Variants in SMARCA5 observed in about 807,000 individuals in gnomAD.
SMARCA5 encodes SNF2 related chromatin remodeling ATPase 5.
Under a neutral mutation model 140.4 loss-of-function variants are expected in SMARCA5, and 18 were observed. That is an observed-to-expected ratio of 0.13 (90% CI 0.09 to 0.19). The LOEUF is 0.19. Among genes scored for constraint, SMARCA5 ranks in the 10% least tolerant of loss-of-function variants. The probability of loss-of-function intolerance (pLI) is 1.00; values close to 1 mark genes in which losing one functional copy is unlikely to be tolerated. For missense variants in SMARCA5, 606 were observed against 1,276.8 expected, an observed-to-expected ratio of 0.47 and a Z score of 8.01; for synonymous variants, 449 against 419.6, an observed-to-expected ratio of 1.07 and a Z score of -0.86.
chr4:143,551,044 C>T (rs538313045), intron 23 of SMARCA5, among the ~76,000 whole-genome samples: 3 of 152,154 alleles, frequency 2.0e-5, no homozygotes, highest in East Asian at 1.9e-4. Context: ...TGAGGGTTTC[C>T]TTTTCTCCAC....
intron 2 of SMARCA5, among the ~76,000 whole-genome samples, chr4:143,520,925 CCTAA>C (rs756623885): frequency 1.3e-5 from 2 of 152,086 alleles, no homozygotes; most frequent in Non-Finnish European, 2.9e-5. Flanking sequence ...TTTGTCACAG[CCTAA>C]CTAATGAATG....
At chr4:143,521,300 A>G (rs1301301107) in intron 2 of SMARCA5, 129 bp from the exon 3 acceptor site, 2 of 610,126 alleles carry the variant, frequency 3.3e-6, no homozygotes, top group Non-Finnish European at 5.7e-6. Flanking sequence ...AAACTCATCC[A>G]TGTTGCATTT....
At chr4:143,533,681 G>T (rs1229141694) in intron 9 of SMARCA5, among the ~76,000 whole-genome samples, 3 of 151,782 alleles carry the variant, frequency 2.0e-5, no homozygotes, top group Non-Finnish European at 4.4e-5. Context: ...CTAATTTTTT[G>T]TATTTTTAAT....
At chr4:143,538,282 T>C (rs1737356314) in intron 11 of SMARCA5, among the ~76,000 whole-genome samples, 1 of 152,092 alleles carries the variant, frequency 6.6e-6, no homozygotes, top group South Asian at 2.1e-4. Flanking sequence ...TGTGAAGTAG[T>C]GGAAAGTTAT....
intron 2 of SMARCA5, among the ~76,000 whole-genome samples, chr4:143,519,688 A>G (rs577695184): frequency 2.6e-5 from 4 of 152,172 alleles, no homozygotes; most frequent in Non-Finnish European, 4.4e-5. Context: ...TAAGTTCACT[A>G]TCCACTCCTC....
Position 143,543,988 on chromosome 4 carries a change from G to T in SMARCA5, c.2172+16G>T, listed in dbSNP as rs372635005. The T allele has an allele frequency of 3.3e-6, 5 of 1,526,838 alleles. No homozygotes were observed. Among genetic ancestry groups the T allele is most frequent in the Non-Finnish European group, 4.4e-6 (5 of 1,136,146 alleles). 94.6% of individuals were successfully genotyped at this position (1,526,838 alleles called of 1,614,324 possible). Reference sequence around the variant, plus strand: ...AAAACAAAAGGTAATTTAGAAATAGGTTTGGGTTACATGAAAGCTTTATTT... The same window carrying T: ...AAAACAAAAGGTAATTTAGAAATAGTTTTGGGTTACATGAAAGCTTTATTT... On this transcript the variant is annotated intron_variant, in intron 16 of 23. Transcript: ENST00000283131.
intron 23 of SMARCA5, among the ~76,000 whole-genome samples, chr4:143,552,046 C>T (rs1737650036): frequency 6.6e-6 from 1 of 151,992 alleles, no homozygotes; most frequent in South Asian, 2.1e-4. Flanking sequence ...AATCCATGAA[C>T]ATGGAATATC....
intron 19 of SMARCA5, 91 bp from the exon 20 acceptor site, chr4:143,546,685 T>G (rs1340311061): frequency 1.6e-6 from 2 of 1,224,238 alleles, no homozygotes; most frequent in Non-Finnish European, 2.3e-6. Context: ...TAGTGAAAAT[T>G]TGTTTTTGTA....
At chr4:143,533,244 G>A (rs535215043) in intron 9 of SMARCA5, among the ~76,000 whole-genome samples, 1 of 152,022 alleles carries the variant, frequency 6.6e-6, no homozygotes, top group African/African-American at 2.4e-5. Context: ...ATTAATTTAT[G>A]GTGTCTAAAA....
At chr4:143,524,726 C>T (rs1016593918) in intron 4 of SMARCA5, among the ~76,000 whole-genome samples, 1 of 152,094 alleles carries the variant, frequency 6.6e-6, no homozygotes, top group Non-Finnish European at 1.5e-5. Context: ...GATCGTTTTG[C>T]TTTATATTTG....
At chr4:143,516,008 G>A (rs1343251064) in intron 1 of SMARCA5, among the ~76,000 whole-genome samples, 2 of 145,998 alleles carry the variant, frequency 1.4e-5, no homozygotes, top group Non-Finnish European at 3.0e-5. Flanking sequence ...CTTTTAAAAT[G>A]TCAGTTTCCT....
At chr4:143,528,292 A>G (rs1034625195) in intron 7 of SMARCA5, among the ~76,000 whole-genome samples, 6 of 151,972 alleles carry the variant, frequency 3.9e-5, no homozygotes, top group Admixed American at 6.6e-5. Context: ...CCCTGTGTCC[A>G]TGTGTTCTCA....
intron 3 of SMARCA5, 119 bp downstream of exon 3, chr4:143,521,714 C>G: frequency 1.1e-6 from 1 of 910,626 alleles, no homozygotes; most frequent in East Asian, 2.7e-5. Context: ...ATTTATTTGG[C>G]CCTGTTTGGC....
In SMARCA5 at chr4:143,554,717, A is replaced by G. The variant is rs564944119; in HGVS notation, c.*1533A>G. ...TAAAGGTCTAATACATGCATGAGGAATGGTTACTTATGAAAGGAAAAAGAA... is the reference window on the plus strand; with the variant it reads ...TAAAGGTCTAATACATGCATGAGGAGTGGTTACTTATGAAAGGAAAAAGAA... On this transcript the variant is annotated 3_prime_UTR_variant, in exon 24 of 24. Coordinates refer to ENST00000283131, the MANE Select transcript of SMARCA5 (RefSeq NM_003601.4). 3.1e-4 allele frequency: 51 copies of G among 164,450 alleles called. No homozygotes were observed. The highest frequency in any genetic ancestry group is 2.9e-3 in the Middle Eastern group (1 of 348). The allele number at this position is 164,450 out of a possible 1,614,324, so 10.2% of individuals were successfully genotyped here. A position where few individuals can be genotyped will look rare whatever the true frequency, so the allele number is the denominator to read the frequency against.
intron 6 of SMARCA5, 92 bp from the exon 7 acceptor site, chr4:143,527,776 C>T (rs1212236303): frequency 3.6e-6 from 4 of 1,097,036 alleles, no homozygotes; most frequent in Non-Finnish European, 5.2e-6. Flanking sequence ...TTAGTATTCC[C>T]ACCTCTTTTT....
chr4:143,550,573 C>T (rs140426678), intron 23 of SMARCA5, among the ~76,000 whole-genome samples: 242 of 151,984 alleles, frequency 1.6e-3, no homozygotes, highest in African/African-American at 5.5e-3. Context: ...ATTAGCCAGC[C>T]CCACTTTCCC....
At chr4:143,537,182 T>C (rs1737324998) in intron 11 of SMARCA5, among the ~76,000 whole-genome samples, 1 of 152,228 alleles carries the variant, frequency 6.6e-6, no homozygotes. Context: ...ATTACACGAA[T>C]GCAGAAAGAA....
At chr4:143,530,337 A>ATT in intron 8 of SMARCA5, 121 bp from the exon 9 acceptor site, 1 of 579,678 alleles carries the variant, frequency 1.7e-6, no homozygotes, top group Non-Finnish European at 2.8e-6. Context: ...GGACTAAGTG[A>ATT]TTTTTTTTTG....
intron 6 of SMARCA5, 68 bp from the exon 7 acceptor site, chr4:143,527,800 C>T (rs1737105385): frequency 5.3e-6 from 7 of 1,327,626 alleles, no homozygotes; most frequent in Admixed American, 4.7e-5. Flanking sequence ...TACTAGATTA[C>T]TTGTCATCAG....
Sources: allele counts gnomAD v4.1 joint callset (sites outside exome capture counted in the v4.1 genomes callset), GRCh38; gene constraint gnomAD v4.1.1; transcripts MANE v1.5; gene names NCBI Gene and HGNC (gene_info 2026-07-23, HGNC 2026-07-21).